The following GRID2 variants were observed in gnomAD, a reference collection of about 807,000 sequenced individuals.
GRID2 encodes the protein glutamate ionotropic receptor delta type subunit 2.
In GRID2, 33 loss-of-function variants were observed where a neutral mutation model predicts 114.8. The ratio of observed to expected loss-of-function variants is 0.29; its 90% CI spans 0.22 to 0.38. GRID2 has a LOEUF of 0.38. Among genes scored for constraint, GRID2 ranks in the 10% least tolerant of loss-of-function variants. The probability of loss-of-function intolerance (pLI) is 1.00; values close to 1 mark genes in which losing one functional copy is unlikely to be tolerated. For synonymous variants in GRID2, 505 were observed against 449.9 expected, an observed-to-expected ratio of 1.12 and a Z score of -1.55; for missense variants, 1,184 against 1,257.7, an observed-to-expected ratio of 0.94 and a Z score of 0.89.
chr4:93,754,564 C>G (rs1023689636), intron 14 of GRID2, among the ~76,000 whole-genome samples: 13 of 152,070 alleles, frequency 8.5e-5, no homozygotes, highest in African/African-American at 3.1e-4. Context: ...AACAAATAGA[C>G]AGAGTGTAGT....
At chr4:93,317,740 A>T (rs1322183412) in intron 8 of GRID2, among the ~76,000 whole-genome samples, 2 of 151,658 alleles carry the variant, frequency 1.3e-5, no homozygotes, top group Non-Finnish European at 2.9e-5. Flanking sequence ...ATTTCCTGTG[A>T]GTCATCTCTT....
At chr4:93,614,087 G>A (rs185069626) in intron 13 of GRID2, among the ~76,000 whole-genome samples, 13 of 152,218 alleles carry the variant, frequency 8.5e-5, no homozygotes, top group Admixed American at 5.2e-4. Context: ...AGGTGCGTCC[G>A]TCACCCCTTT....
chr4:93,066,022 T>G (rs1728261213), intron 2 of GRID2, among the ~76,000 whole-genome samples: 1 of 151,718 alleles, frequency 6.6e-6, no homozygotes, highest in African/African-American at 2.4e-5. Context: ...CATTTCCACT[T>G]TAGAGGTGAG....
chr4:92,573,415 T>C (rs1278656166), intron 1 of GRID2, among the ~76,000 whole-genome samples: 1 of 152,154 alleles, frequency 6.6e-6, no homozygotes, highest in Non-Finnish European at 1.5e-5. Context: ...GAGTGTCAAT[T>C]TGAGATCTTT....
intron 1 of GRID2, among the ~76,000 whole-genome samples, chr4:93,801,792 A>G (rs1734936611): frequency 1.3e-5 from 2 of 152,236 alleles, no homozygotes; most frequent in African/African-American, 4.8e-5. Context: ...TAAAACAGAA[A>G]CAACTTCACT....
At chr4:92,612,038 T>G (rs1283255321) in intron 2 of GRID2, among the ~76,000 whole-genome samples, 1 of 151,532 alleles carries the variant, frequency 6.6e-6, no homozygotes, top group Non-Finnish European at 1.5e-5. Context: ...GCTTTGATAT[T>G]GTATCTAAGA....
chr4:93,741,173 ACATATATATATATATATATATATATATG>A (rs935413252), intron 14 of GRID2, among the ~76,000 whole-genome samples: 2,345 of 30,438 alleles, frequency 0.077, 104 homozygotes, highest in Admixed American at 0.097. Context: ...ATATATATAT[ACATATATATATATATATATATATATATG>A]TATATATATA....
At chr4:93,164,228 G>T (rs2149412574) in intron 4 of GRID2, among the ~76,000 whole-genome samples, 2 of 152,110 alleles carry the variant, frequency 1.3e-5, no homozygotes, top group East Asian at 3.9e-4. Context: ...TGGCTCAGCA[G>T]AAATTGTAGA....
intron 4 of GRID2, among the ~76,000 whole-genome samples, chr4:93,162,186 GA>G (rs1316140202): frequency 1.3e-5 from 2 of 151,628 alleles, no homozygotes; most frequent in Non-Finnish European, 2.9e-5. Flanking sequence ...CCTCTGGAAT[GA>G]AAAAAATCTT....
chr4:92,849,545 T>A (rs1223272989), intron 2 of GRID2, among the ~76,000 whole-genome samples: 1 of 151,942 alleles, frequency 6.6e-6, no homozygotes, highest in African/African-American at 2.4e-5. Flanking sequence ...TTTAAACAGT[T>A]GTGCTTTTCT....
At chr4:92,951,699 A>G (rs1193712988) in intron 2 of GRID2, among the ~76,000 whole-genome samples, 2 of 152,174 alleles carry the variant, frequency 1.3e-5, no homozygotes, top group Admixed American at 1.3e-4. Flanking sequence ...ATGCCAAGCC[A>G]TTAGTTTTGC....
intron 8 of GRID2, among the ~76,000 whole-genome samples, chr4:93,338,452 T>C (rs904524225): frequency 6.6e-6 from 1 of 152,182 alleles, no homozygotes. Context: ...TGCTGCCATA[T>C]GGATGCAATA....
intron 3 of GRID2, among the ~76,000 whole-genome samples, chr4:93,104,772 G>C (rs1223830519): frequency 6.6e-6 from 1 of 152,160 alleles, no homozygotes; most frequent in Non-Finnish European, 1.5e-5. Context: ...AAACATACGT[G>C]TGCATGTGTC....
chr4:92,372,759 T>G (rs1729178424), intron 1 of GRID2, among the ~76,000 whole-genome samples: 1 of 152,134 alleles, frequency 6.6e-6, no homozygotes, highest in African/African-American at 2.4e-5. Context: ...TTCCCCCTAT[T>G]TTTATATGAT....
intron 1 of GRID2, among the ~76,000 whole-genome samples, chr4:92,578,703 A>C (rs765058268): frequency 1.7e-4 from 25 of 148,914 alleles, no homozygotes; most frequent in Admixed American, 4.0e-4. Context: ...TCATTTCAAC[A>C]ACAAAAATAT....
At chr4:93,101,690 G>C (rs1010670356) in intron 3 of GRID2, among the ~76,000 whole-genome samples, 2 of 151,988 alleles carry the variant, frequency 1.3e-5, no homozygotes, top group African/African-American at 4.8e-5. Flanking sequence ...CTTTACAGAT[G>C]ATAGTAAAGT....
At chr4:93,293,922 G>C (rs915867257) in intron 8 of GRID2, among the ~76,000 whole-genome samples, 4 of 152,194 alleles carry the variant, frequency 2.6e-5, no homozygotes, top group African/African-American at 9.7e-5. Context: ...CTAGTGGTAG[G>C]AGACAGAAAC....
chr4:93,479,737 G>A (rs368311090), intron 11 of GRID2, among the ~76,000 whole-genome samples: 5 of 152,002 alleles, frequency 3.3e-5, no homozygotes, highest in South Asian at 4.1e-4. Flanking sequence ...TATCTGGGCC[G>A]CCAGCTAACT....
At chr4:92,899,112 G>T (rs1412855972) in intron 2 of GRID2, among the ~76,000 whole-genome samples, 2 of 151,922 alleles carry the variant, frequency 1.3e-5, no homozygotes, top group Admixed American at 6.5e-5. Context: ...ATTTTGAAAA[G>T]AATAAAATTT....
Sources: gnomAD v4.1 joint callset for allele counts (sites outside exome capture counted in the v4.1 genomes callset) on GRCh38, gnomAD v4.1.1 for gene constraint, MANE v1.5 for transcripts, NCBI Gene and HGNC (gene_info 2026-07-23, HGNC 2026-07-21) for gene names.